The following COMMD5 variants were observed in gnomAD, a reference collection of about 807,000 sequenced individuals.
The protein encoded by COMMD5 is COMM domain containing 5.
In COMMD5, 10 loss-of-function variants were observed where a neutral mutation model predicts 6.9. That is an observed-to-expected ratio of 1.44 (90% CI 0.89 to 2.45). The LOEUF (loss-of-function observed/expected upper bound fraction) is 2.45. Among genes scored for constraint, COMMD5 ranks in the 30% most tolerant of loss-of-function variants. COMMD5 has a pLI of 0.00. For synonymous variants in COMMD5, 127 were observed against 125.3 expected (o/e 1.01, Z -0.09); for missense variants, 234 against 287.8 (o/e 0.81, Z 1.35).
At chr8:144,853,268 A>C (rs1830836590), upstream of COMMD5, 1 of 151,096 alleles carries the variant, frequency 6.6e-6, no homozygotes, top group South Asian at 2.1e-4. Flanking sequence ...TCCGTTTCTG[A>C]GGTAGAAACT....
chr8:144,846,234 A>G, downstream of COMMD5: 2 of 1,494,630 alleles, frequency 1.3e-6, no homozygotes, highest in South Asian at 1.2e-5. Flanking sequence ...AACAGCAACC[A>G]GCCAAAAAGG....
In COMMD5 at chr8:144,850,639, T is replaced by A. The variant is rs749251157; in HGVS notation, c.*25A>T. Reference sequence around the variant, plus strand: ...CTCAGGTGCCTGTCCAAGCCGGATCTGAATGGGACTGGTCAAGTGAGGGGT... The same window carrying A: ...CTCAGGTGCCTGTCCAAGCCGGATCAGAATGGGACTGGTCAAGTGAGGGGT... On this transcript the variant is annotated 3_prime_UTR_variant, in exon 2 of 2. Coordinates refer to ENST00000305103, the MANE Select transcript of COMMD5 (RefSeq NM_014066.4). This position sits in a 1 kb window ranked among gnomAD's most constrained non-coding sequence, Gnocchi z 4.0. 3 of 1,595,058 alleles carry A rather than the reference T, an allele frequency of 1.9e-6. No individual in the cohort carries two copies. The Admixed American group carries it at 5.0e-5, about 27-fold the overall frequency.
chr8:144,841,063 T>C (rs541448037), exon 2 of COMMD5: 1 of 371,558 alleles, frequency 2.7e-6, no homozygotes, highest in East Asian at 4.9e-5. Context: ...TGCCTCTGCA[T>C]GGACTGTGCC....
chr8:144,841,541 G>C (rs774680634), exon 2 of COMMD5: 1 of 1,614,164 alleles, frequency 6.2e-7, no homozygotes, highest in Admixed American at 1.7e-5. Flanking sequence ...AAAGTGACAG[G>C]CTTTACCTTC....
intron 1 of COMMD5, chr8:144,842,488 A>G: frequency 6.2e-7 from 1 of 1,614,216 alleles, no homozygotes; most frequent in Non-Finnish European, 8.5e-7. Context: ...TCGCCATCAG[A>G]GAACTCACAC....
chr8:144,848,456 C>CA (rs1465091623), downstream of COMMD5, among the ~76,000 whole-genome samples: 1 of 147,752 alleles, frequency 6.8e-6, no homozygotes, highest in Non-Finnish European at 1.5e-5. Context: ...GAGATCGTGC[C>CA]ACTGCACACC....
At chr8:144,843,411 A>T (rs1381845710) in intron 1 of COMMD5, 1 of 386,776 alleles carries the variant, frequency 2.6e-6, no homozygotes, top group East Asian at 4.4e-5. Context: ...AACAGGTGAA[A>T]CCCCATCTCT....
downstream of COMMD5, among the ~76,000 whole-genome samples, chr8:144,849,426 A>T (rs1830641474): frequency 6.6e-6 from 1 of 152,124 alleles, no homozygotes; most frequent in South Asian, 2.1e-4. Context: ...ACATGTCAGA[A>T]CTGCCCATGG....
At chr8:144,839,787 A>G (rs1829619465), downstream of COMMD5, among the ~76,000 whole-genome samples, 1 of 152,202 alleles carries the variant, frequency 6.6e-6, no homozygotes, top group African/African-American at 2.4e-5. Context: ...CAGATACTGA[A>G]AGATATTGGC....
chr8:144,850,457 T>C lies in COMMD5; in HGVS notation c.*207A>G, dbSNP rs1231079722. On this transcript the variant is annotated 3_prime_UTR_variant, in exon 2 of 2. Transcript: ENST00000305103. The surrounding 1 kb of genome is among the most constrained non-coding windows in gnomAD (Gnocchi z 4.0). Reference sequence around the variant, plus strand: ...TCCAACACTCACCTATAGAAACATGTTTTTAGCTGCTTTACTTCCAAAAAG... The same window carrying C: ...TCCAACACTCACCTATAGAAACATGCTTTTAGCTGCTTTACTTCCAAAAAG... 4.9e-6 allele frequency: 3 copies of C among 607,874 alleles called. No individual in the cohort carries two copies. The highest frequency in any genetic ancestry group is 8.4e-6 in the Non-Finnish European group (3 of 356,702). 37.7% of individuals were successfully genotyped at this position (607,874 alleles called of 1,614,324 possible). A position where few individuals can be genotyped will look rare whatever the true frequency, so the allele number is the denominator to read the frequency against.
intron 1 of COMMD5, chr8:144,841,969 C>T (rs138843934): frequency 3.8e-4 from 615 of 1,613,936 alleles, no homozygotes; most frequent in Non-Finnish European, 4.7e-4. Context: ...AAAAGCCTTC[C>T]GCCTGAGCTC....
At position 144,841,365 on chromosome 8, in the gene COMMD5, T is replaced by G. The variant is rs147195149; in HGVS notation, c.*495A>C. Reference sequence around the variant, plus strand: ...TCCTGTTTATTTCAGATTCTACGATTAGGACTGAAAATGAGCAGGCCTGTG... The same window carrying G: ...TCCTGTTTATTTCAGATTCTACGATGAGGACTGAAAATGAGCAGGCCTGTG... On this transcript the variant is annotated 3_prime_UTR_variant and NMD_transcript_variant, in exon 2 of 2. Transcript: ENST00000530332. 1.6e-5 allele frequency: 26 copies of G among 1,603,294 alleles called. No homozygotes were observed. The African/African-American group carries it at 2.5e-4, about 16-fold the overall frequency.
At chr8:144,847,689 G>T (rs1307542610), downstream of COMMD5, among the ~76,000 whole-genome samples, 1 of 152,210 alleles carries the variant, frequency 6.6e-6, no homozygotes, top group Non-Finnish European at 1.5e-5. Flanking sequence ...CCCCAGAAAT[G>T]TTTGCTGAAT....
intron 1 of COMMD5, chr8:144,843,058 A>G: frequency 6.2e-7 from 1 of 1,614,134 alleles, no homozygotes; most frequent in African/African-American, 1.3e-5. Flanking sequence ...ACACCTAATT[A>G]TACACCAGAG....
intron 1 of COMMD5, chr8:144,842,414 C>T (rs1298887504): frequency 6.2e-7 from 1 of 1,613,966 alleles, no homozygotes; most frequent in African/African-American, 1.3e-5. Context: ...CTGATTCACA[C>T]TGGAGAGAAG....
chr8:144,845,387 G>GT (rs1194749785), downstream of COMMD5, among the ~76,000 whole-genome samples: 1,423 of 149,076 alleles, frequency 9.5e-3, 11 homozygotes, highest in African/African-American at 0.033. Context: ...TCACCCCTCA[G>GT]TTTTTTTTTT....
intron 1 of COMMD5, chr8:144,842,627 G>A: frequency 1.2e-6 from 2 of 1,614,200 alleles, no homozygotes; most frequent in Non-Finnish European, 1.7e-6. Flanking sequence ...AAAGCCTTCA[G>A]TCAGAGTTCC....
chr8:144,850,731 C>T lies in COMMD5; in HGVS notation c.608G>A (p.Ser203Asn), dbSNP rs1432141743. Residue 203 changes from serine (S) to asparagine (N), a missense_variant, in exon 2 of 2, where the codon AGC becomes AAC. Transcript: ENST00000305103. The surrounding 1 kb of genome is among the most constrained non-coding windows in gnomAD (Gnocchi z 4.0). Reference sequence around the variant, plus strand: ...CATCTCCTTTAGGACCAGGGCCACGCTGTACCGCAGCTCCTGGAACTTGGC... The same window carrying T: ...CATCTCCTTTAGGACCAGGGCCACGTTGTACCGCAGCTCCTGGAACTTGGC... ...PTAKFQELRY[S>N]VALVLKEMAD... is the part of the protein sequence containing the mutation. 1 of 1,614,066 alleles carries T rather than the reference C, an allele frequency of 6.2e-7. No individual in the cohort carries two copies. The highest frequency in any genetic ancestry group is 1.3e-5 in the African/African-American group (1 of 74,928).
intron 1 of COMMD5, chr8:144,842,242 C>T (rs1830029768): frequency 6.2e-7 from 1 of 1,613,984 alleles, no homozygotes; most frequent in Non-Finnish European, 8.5e-7. Context: ...CACCCTAGCC[C>T]AGCATCAAAG....
Sources: allele counts gnomAD v4.1 joint callset (sites outside exome capture counted in the v4.1 genomes callset), GRCh38; gene constraint gnomAD v4.1.1; non-coding constraint Gnocchi (gnomAD v3.1); transcripts MANE v1.5; gene names NCBI Gene and HGNC (gene_info 2026-07-23, HGNC 2026-07-21).